Variants in CDC42BPA observed in about 807,000 individuals in gnomAD.
CDC42BPA encodes serine/threonine-protein kinase MRCK alpha.
Under a neutral mutation model 223.5 loss-of-function variants are expected in CDC42BPA, and 80 were observed. The ratio of observed to expected loss-of-function variants is 0.36; its 90% CI spans 0.30 to 0.43. The LOEUF is 0.43. CDC42BPA is among the 20% of genes least tolerant of loss of function. The pLI, the probability that CDC42BPA is intolerant of heterozygous loss-of-function variation, is 1.00. For synonymous variants in CDC42BPA, 694 were observed against 718.6 expected (o/e 0.97, Z 0.55); for missense variants, 1,743 against 2,099.9 (o/e 0.83, Z 3.32).
chr1:227,097,189 C>A (rs542070137), intron 15 of CDC42BPA, among the ~76,000 whole-genome samples: 41 of 151,834 alleles, frequency 2.7e-4, no homozygotes, highest in Middle Eastern at 3.4e-3. Flanking sequence ...ACACACACAC[C>A]CACACAACAA....
Position 227,127,922 on chromosome 1 carries a change from C to A in CDC42BPA, c.1513+1187G>T, listed in dbSNP as rs1215797198. ...TAAAACTACCTTTCTGGAGAGGCCT[C>A]ACCATTCTCGTTAAAATAGTACCTT... On this transcript the variant is annotated intron_variant, in intron 11 of 36. Coordinates refer to ENST00000366766, the MANE Select transcript of CDC42BPA (RefSeq NM_001394014.1). Among the ~76,000 whole-genome samples, 3 of 152,126 alleles carry A rather than the reference C, an allele frequency of 2.0e-5. No individual in the cohort carries two copies. The East Asian group carries it at 5.8e-4, about 29-fold the overall frequency.
intron 4 of CDC42BPA, among the ~76,000 whole-genome samples, chr1:227,196,736 CAATT>C (rs1291175410): frequency 6.6e-6 from 1 of 152,130 alleles, no homozygotes; most frequent in East Asian, 1.9e-4. Context: ...TGAGTTACTA[CAATT>C]AATTTAAAAT....
chr1:227,070,962 T>G (rs965188382), intron 20 of CDC42BPA, among the ~76,000 whole-genome samples: 1 of 151,882 alleles, frequency 6.6e-6, no homozygotes, highest in African/African-American at 2.4e-5. Context: ...GAGTTGTCCA[T>G]GTCTTACGAA....
In CDC42BPA at chr1:227,180,268, A is replaced by C. The variant is rs116403752; in HGVS notation, c.599+13518T>G. On this transcript the variant is annotated intron_variant, in intron 5 of 36. Coordinates refer to ENST00000366766, the MANE Select transcript of CDC42BPA (RefSeq NM_001394014.1). ...GTTTAAAATAAAGAAGGAATTCTCAATTTTTTCCAAAAAGCTGTTAAATAT... is the reference window on the plus strand; with the variant it reads ...GTTTAAAATAAAGAAGGAATTCTCACTTTTTTCCAAAAAGCTGTTAAATAT... Among the ~76,000 whole-genome samples the C allele has an allele frequency of 6.0e-3, 912 of 152,272 alleles. 10 individuals are homozygous for C. Among genetic ancestry groups the C allele is most frequent in the African/African-American group, 0.021 (860 of 41,552 alleles).
Position 227,154,277 on chromosome 1 carries a change from GAT to G in CDC42BPA, c.693+6264_693+6265del, listed in dbSNP as rs200790415. ...GAGAAGGGATTTCTTAATTTGATAAGATATATATACCAAAAGCTAACTGCAAA... is the reference window on the plus strand; with the variant it reads ...GAGAAGGGATTTCTTAATTTGATAAGATATATACCAAAAGCTAACTGCAAA... On this transcript the variant is annotated intron_variant, in intron 6 of 36. Coordinates refer to ENST00000366766, the MANE Select transcript of CDC42BPA (RefSeq NM_001394014.1). Among the ~76,000 whole-genome samples, 16 of 151,932 alleles carry G rather than the reference GAT, an allele frequency of 1.1e-4. No homozygotes were observed. In the East Asian group the frequency reaches 3.1e-3, roughly 29 times the overall value.
chr1:227,018,778 T>C (rs1396954363), intron 32 of CDC42BPA, among the ~76,000 whole-genome samples: 2 of 152,364 alleles, frequency 1.3e-5, no homozygotes, highest in Middle Eastern at 3.4e-3. Flanking sequence ...ATATACATTA[T>C]GTTTACATTA....
At chr1:227,176,196 G>A (rs1289955704) in intron 5 of CDC42BPA, among the ~76,000 whole-genome samples, 1 of 151,978 alleles carries the variant, frequency 6.6e-6, no homozygotes, top group Non-Finnish European at 1.5e-5. Context: ...TAAGTGATCT[G>A]CCCGCCTTGG....
At chr1:227,294,661 C>T (rs1690316424) in intron 1 of CDC42BPA, among the ~76,000 whole-genome samples, 2 of 75,672 alleles carry the variant, frequency 2.6e-5, no homozygotes, top group African/African-American at 1.1e-4. Flanking sequence ...GAGATCGAGA[C>T]CATCCTGGCT....
chr1:227,223,509 G>A (rs1162970882), intron 2 of CDC42BPA, among the ~76,000 whole-genome samples: 3 of 152,154 alleles, frequency 2.0e-5, no homozygotes, highest in Non-Finnish European at 4.4e-5. Context: ...AAAGACATTG[G>A]AAAGTTATAG....
intron 2 of CDC42BPA, among the ~76,000 whole-genome samples, chr1:227,239,431 T>C (rs1209179926): frequency 2.0e-5 from 3 of 152,146 alleles, no homozygotes; most frequent in Non-Finnish European, 2.9e-5. Context: ...TGGGTAATAA[T>C]AATATGTCAA....
chr1:227,162,796 A>G (rs1017167612), intron 5 of CDC42BPA, among the ~76,000 whole-genome samples: 12 of 152,114 alleles, frequency 7.9e-5, no homozygotes, highest in Admixed American at 2.6e-4. Flanking sequence ...TGACTGTGTC[A>G]CTACACTCCA....
chr1:227,043,918 G>A (rs1482226698), intron 23 of CDC42BPA, among the ~76,000 whole-genome samples: 1 of 152,044 alleles, frequency 6.6e-6, no homozygotes, highest in African/African-American at 2.4e-5. Context: ...GCTTACGTAT[G>A]ACTCTACACT....
At chr1:227,144,878 ATTG>A (rs2149666280) in intron 8 of CDC42BPA, among the ~76,000 whole-genome samples, 1 of 152,180 alleles carries the variant, frequency 6.6e-6, no homozygotes, top group South Asian at 2.1e-4. Flanking sequence ...CAAGTTTGCT[ATTG>A]TTAGCAGCAA....
At chr1:227,170,428 T>G (rs1462791892) in intron 5 of CDC42BPA, among the ~76,000 whole-genome samples, 1 of 150,588 alleles carries the variant, frequency 6.6e-6, no homozygotes, top group Non-Finnish European at 1.5e-5. Context: ...TGCTGCCTAG[T>G]CCTGCCCAAA....
chr1:227,132,187 C>T (rs1161259004), intron 10 of CDC42BPA, among the ~76,000 whole-genome samples: 1 of 152,016 alleles, frequency 6.6e-6, no homozygotes, highest in Admixed American at 6.5e-5. Flanking sequence ...CCTCTGATGC[C>T]GAGCCAAAGC....
chr1:227,147,290 T>G, intron 7 of CDC42BPA, 69 bp downstream of exon 7: 1 of 1,098,182 alleles, frequency 9.1e-7, no homozygotes, highest in Non-Finnish European at 1.3e-6. Context: ...AAATATTTTC[T>G]CTTTAAAAAT....
At chr1:227,141,653 A>G (rs1451952521) in intron 9 of CDC42BPA, among the ~76,000 whole-genome samples, 1 of 152,186 alleles carries the variant, frequency 6.6e-6, no homozygotes, top group East Asian at 1.9e-4. Flanking sequence ...ACTCAAGTAG[A>G]AAGAAATAGG....
intron 14 of CDC42BPA, among the ~76,000 whole-genome samples, chr1:227,109,894 G>A (rs890417388): frequency 2.0e-5 from 3 of 151,522 alleles, no homozygotes; most frequent in Admixed American, 6.6e-5. Context: ...TGATCAAAAC[G>A]TCACGATCTC....
At chr1:227,268,679 TACAC>T (rs1162059011) in intron 1 of CDC42BPA, among the ~76,000 whole-genome samples, 43 of 143,204 alleles carry the variant, frequency 3.0e-4, no homozygotes, top group African/African-American at 9.4e-4. Context: ...TATATATATA[TACAC>T]ACACACACTT....
Sources: allele counts gnomAD v4.1 joint callset (sites outside exome capture counted in the v4.1 genomes callset), GRCh38; gene constraint gnomAD v4.1.1; transcripts MANE v1.5; gene names NCBI Gene and HGNC (gene_info 2026-07-23, HGNC 2026-07-21).